Variants in RBFOX3 observed in about 807,000 individuals in gnomAD.
RBFOX3 encodes RNA binding protein fox-1 homolog 3.
RBFOX3 carries 17 observed loss-of-function variants against 48.7 expected under a neutral mutation model. That is an observed-to-expected ratio of 0.35 (90% confidence interval 0.24 to 0.52). RBFOX3 has a LOEUF of 0.52. Among genes scored for constraint, RBFOX3 ranks in the 20% least tolerant of loss-of-function variants. The pLI, the probability that RBFOX3 is intolerant of heterozygous loss-of-function variation, is 0.94. For synonymous variants in RBFOX3, 212 were observed against 209.5 expected (o/e 1.01, Z -0.10); for missense variants, 382 against 497.5 (o/e 0.77, Z 2.21).
Position 79,112,833 on chromosome 17 carries a change from G to C in RBFOX3, c.222+2661C>G, listed in dbSNP as rs145716058. 1.4e-3 allele frequency among the ~76,000 whole-genome samples: 204 copies of C among 151,038 alleles called. 5 individuals carry two copies. The East Asian group carries it at 0.036, about 26-fold the overall frequency. On this transcript the variant is annotated intron_variant, in intron 5 of 14. Transcript: ENST00000693108. ...CGGGAAGCCCCAGTGGCCTCTGGGTGGCATCTGGGTCCAGGGAGCGTCCAG... is the reference window on the plus strand; with the variant it reads ...CGGGAAGCCCCAGTGGCCTCTGGGTCGCATCTGGGTCCAGGGAGCGTCCAG...
intron 3 of RBFOX3, among the ~76,000 whole-genome samples, chr17:79,236,432 G>A (rs1395532444): frequency 6.6e-6 from 1 of 152,128 alleles, no homozygotes; most frequent in Non-Finnish European, 1.5e-5. Flanking sequence ...GGGAGTACAG[G>A]TGTGTGCCAC....
Position 79,115,879 on chromosome 17 carries a change from G to C in RBFOX3, c.-33-131C>G, listed in dbSNP as rs867392992. 78 of 531,980 alleles carry C rather than the reference G, an allele frequency of 1.5e-4. No individual in the cohort carries two copies. The Middle Eastern group carries it at 1.9e-3, about 13-fold the overall frequency. The allele number at this position is 531,980 out of a possible 1,614,324, so 33.0% of individuals were successfully genotyped here. A position where few individuals can be genotyped will look rare whatever the true frequency, so the allele number is the denominator to read the frequency against. The stretch of plus-strand genomic sequence containing the variant: ...AGCAGCCTTTCCCCGGCCCCTCCAA[G>C]GGGGGCTCGCCGGCATGGGCACCAG... On this transcript the variant is annotated intron_variant, in intron 4 of 14. Transcript: ENST00000693108.
intron 1 of RBFOX3, among the ~76,000 whole-genome samples, chr17:79,553,524 CTT>C (rs1407706565): frequency 6.6e-6 from 1 of 152,158 alleles, no homozygotes; most frequent in Non-Finnish European, 1.5e-5. Flanking sequence ...CTGTGGAACA[CTT>C]TAATTAGCAT....
At position 79,597,136 on chromosome 17, in the gene RBFOX3, G is replaced by C. The variant is rs1048819123; in HGVS notation, c.-320+13690C>G. ...ACATTCACCCCAAATGCTTCCTGGA[G>C]AAAGCACCTGCCCTCACACTGTGAG... is the stretch of plus-strand genomic sequence containing the variant. On this transcript the variant is annotated intron_variant, in intron 1 of 14. Transcript: ENST00000693108. Among the ~76,000 whole-genome samples, 33 of 152,334 alleles carry C rather than the reference G, an allele frequency of 2.2e-4. 1 individual carries two copies. The East Asian group carries it at 5.6e-3, about 26-fold the overall frequency.
intron 2 of RBFOX3, among the ~76,000 whole-genome samples, chr17:79,353,939 T>C (rs966630849): frequency 2.0e-5 from 3 of 152,222 alleles, no homozygotes; most frequent in Non-Finnish European, 4.4e-5. Context: ...CCAAGTCCTC[T>C]GCATCTCTCT....
At chr17:79,173,804 T>C (rs892625381) in intron 4 of RBFOX3, among the ~76,000 whole-genome samples, 1 of 151,682 alleles carries the variant, frequency 6.6e-6, no homozygotes, top group African/African-American at 2.4e-5. Flanking sequence ...ATGGCTTCAT[T>C]TTTTACATCA....
At chr17:79,550,698 T>C (rs1319936513) in intron 1 of RBFOX3, among the ~76,000 whole-genome samples, 2 of 151,870 alleles carry the variant, frequency 1.3e-5, no homozygotes, top group Non-Finnish European at 2.9e-5. Flanking sequence ...GATGGGTAGA[T>C]GGATGAGTGG....
chr17:79,378,079 C>T lies in RBFOX3; in HGVS notation c.-174-70255G>A, dbSNP rs115738878. ...GAAGCGGATTGTGAAGGCACAAGTG[C>T]CCGGACCCCGTGACTCCCAACACAG... On this transcript the variant is annotated intron_variant, in intron 2 of 14. Transcript: ENST00000693108. 5.2e-3 allele frequency among the ~76,000 whole-genome samples: 797 copies of T among 152,282 alleles called. 8 individuals are homozygous for T. The highest frequency in any genetic ancestry group is 0.018 in the African/African-American group (753 of 41,552).
chr17:79,540,553 G>A lies in RBFOX3; in HGVS notation c.-319-57955C>T, dbSNP rs372728455. Among the ~76,000 whole-genome samples, 306 of 152,326 alleles carry A rather than the reference G, an allele frequency of 2.0e-3. 3 individuals carry two copies. In the South Asian group the frequency reaches 0.025, roughly 13 times the overall value. Reference sequence around the variant, plus strand: ...GGTCCTCCCACTGCCAGGTGCTCCTGCTGTTCTCTCCTCCCACGCAATGCA... The same window carrying A: ...GGTCCTCCCACTGCCAGGTGCTCCTACTGTTCTCTCCTCCCACGCAATGCA... On this transcript the variant is annotated intron_variant, in intron 1 of 14. Transcript: ENST00000693108.
chr17:79,573,922 A>G lies in RBFOX3; in HGVS notation c.-320+36904T>C, dbSNP rs892965631. On this transcript the variant is annotated intron_variant, in intron 1 of 14. Coordinates refer to ENST00000693108, the MANE Select transcript of RBFOX3 (RefSeq NM_001350451.2). The stretch of plus-strand genomic sequence containing the variant: ...GGACAACATTCTCTAGGAATAAACT[A>G]AACTGCGGAGGTGGGAAACCAGGCG... Among the ~76,000 whole-genome samples, 128 of 152,288 alleles carry G rather than the reference A, an allele frequency of 8.4e-4. 4 individuals are homozygous for G. The South Asian group carries it at 0.019, about 23-fold the overall frequency.
chr17:79,094,342 C>T (rs74001533), intron 14 of RBFOX3, 109 bp downstream of exon 14: 45 of 753,600 alleles, frequency 6.0e-5, no homozygotes, highest in African/African-American at 4.3e-4. Context: ...CCAAAGTCTC[C>T]GGGACCAAGG....
intron 3 of RBFOX3, among the ~76,000 whole-genome samples, chr17:79,287,228 C>T (rs1406166381): frequency 1.3e-5 from 2 of 152,194 alleles, no homozygotes; most frequent in East Asian, 1.9e-4. Context: ...GCGAAGGACC[C>T]CCTGCCTTAC....
At chr17:79,245,356 G>T (rs192522500) in intron 3 of RBFOX3, among the ~76,000 whole-genome samples, 12 of 152,254 alleles carry the variant, frequency 7.9e-5, no homozygotes, top group African/African-American at 2.9e-4. Flanking sequence ...GAGAAAGACC[G>T]TTCAGACCAA....
At chr17:79,434,350 C>T (rs534930045) in intron 2 of RBFOX3, among the ~76,000 whole-genome samples, 18 of 152,268 alleles carry the variant, frequency 1.2e-4, no homozygotes, top group Non-Finnish European at 1.8e-4. Flanking sequence ...TAATGAGCAT[C>T]GACTGTAAAT....
At chr17:79,217,696 C>T (rs1261982199) in intron 4 of RBFOX3, among the ~76,000 whole-genome samples, 1 of 151,970 alleles carries the variant, frequency 6.6e-6, no homozygotes, top group Non-Finnish European at 1.5e-5. Flanking sequence ...CCCTTGACTC[C>T]ATGCCTGCAG....
In RBFOX3 at chr17:79,106,839, C is replaced by T. The variant is rs2077468766; in HGVS notation, c.223-51G>A. 12 of 1,471,978 alleles carry T rather than the reference C, an allele frequency of 8.2e-6. 1 individual carries two copies. The East Asian group carries it at 1.1e-4, about 14-fold the overall frequency. 91.2% of individuals were successfully genotyped at this position (1,471,978 alleles called of 1,614,324 possible). A position where few individuals can be genotyped will look rare whatever the true frequency, so the allele number is the denominator to read the frequency against. ...AGGCTGCCTCTGTGTGCGGGGTTGC[C>T]CATCCCCTCTGCTAAAGGGTCGGCA... is the stretch of plus-strand genomic sequence containing the variant. On this transcript the variant is annotated intron_variant, in intron 5 of 14. Coordinates refer to ENST00000693108, the MANE Select transcript of RBFOX3 (RefSeq NM_001350451.2).
chr17:79,452,725 T>G (rs1217133793), intron 2 of RBFOX3, among the ~76,000 whole-genome samples: 1 of 152,114 alleles, frequency 6.6e-6, no homozygotes, highest in Non-Finnish European at 1.5e-5. Flanking sequence ...CCACAGCCCC[T>G]GCCAACTGCT....
intron 4 of RBFOX3, among the ~76,000 whole-genome samples, chr17:79,189,068 G>A (rs2053975058): frequency 6.6e-6 from 1 of 152,256 alleles, no homozygotes; most frequent in Admixed American, 6.5e-5. Flanking sequence ...AGGCTCAAGA[G>A]CCTGGCCATT....
At chr17:79,202,881 G>T (rs1350257312) in intron 4 of RBFOX3, among the ~76,000 whole-genome samples, 1 of 152,194 alleles carries the variant, frequency 6.6e-6, no homozygotes, top group African/African-American at 2.4e-5. Context: ...TGGCTGGACG[G>T]GGAGAGGACC....
Sources: allele counts gnomAD v4.1 joint callset (sites outside exome capture counted in the v4.1 genomes callset), GRCh38; gene constraint gnomAD v4.1.1; transcripts MANE v1.5; gene names NCBI Gene and HGNC (gene_info 2026-07-23, HGNC 2026-07-21).